MKLN1: variants seen among roughly 807,000 people sequenced by gnomAD.
The protein encoded by MKLN1 is muskelin.
MKLN1 carries 18 observed loss-of-function variants against 99.0 expected under a neutral mutation model. The observed-to-expected ratio is 0.18, with a 90% CI of 0.13 to 0.27. The LOEUF is 0.27. Ranked by LOEUF, MKLN1 falls within the 10% of genes least tolerant of loss-of-function variation. MKLN1 has a pLI of 1.00. For missense variants in MKLN1, 621 were observed against 875.9 expected, an observed-to-expected ratio of 0.71 and a Z score of 3.67; for synonymous variants, 288 against 293.2, an observed-to-expected ratio of 0.98 and a Z score of 0.18.
chr7:131,442,819 T>C (rs904678844), intron 10 of MKLN1, among the ~76,000 whole-genome samples: 1 of 152,204 alleles, frequency 6.6e-6, no homozygotes, highest in Non-Finnish European at 1.5e-5. Flanking sequence ...TGAAAAGTTA[T>C]AATCTTGAGT....
At chr7:131,398,314 A>G (rs1175459464) in intron 5 of MKLN1, among the ~76,000 whole-genome samples, 1 of 152,176 alleles carries the variant, frequency 6.6e-6, no homozygotes, top group Non-Finnish European at 1.5e-5. Context: ...AATTTTAATA[A>G]ATTAAGTGCC....
chr7:131,298,717 T>C (rs910039117), intron 3 of MKLN1, among the ~76,000 whole-genome samples: 12 of 152,208 alleles, frequency 7.9e-5, no homozygotes, highest in Non-Finnish European at 1.5e-4. Context: ...ACTCTACTCT[T>C]GTACCTAGAT....
intron 5 of MKLN1, among the ~76,000 whole-genome samples, chr7:131,398,520 C>A (rs1200743867): frequency 6.6e-6 from 1 of 151,850 alleles, no homozygotes; most frequent in Admixed American, 6.6e-5. Context: ...ATGGTGAAAC[C>A]CCGACTCTAC....
chr7:131,371,974 A>T (rs1425911697), intron 1 of MKLN1, among the ~76,000 whole-genome samples: 2 of 151,930 alleles, frequency 1.3e-5, no homozygotes, highest in African/African-American at 4.8e-5. Flanking sequence ...AATTTAGAAG[A>T]TATGTGGTAC....
intron 4 of MKLN1, among the ~76,000 whole-genome samples, chr7:131,390,269 GTTTTC>G (rs1292828515): frequency 6.6e-6 from 1 of 152,022 alleles, no homozygotes; most frequent in African/African-American, 2.4e-5. Flanking sequence ...CCTATATTCT[GTTTTC>G]TTATAAGAAT....
intron 1 of MKLN1, among the ~76,000 whole-genome samples, chr7:131,332,522 TTATCGAATATTTGTAAAA>T (rs1563297030): frequency 1.3e-5 from 2 of 150,460 alleles, no homozygotes; most frequent in Non-Finnish European, 3.0e-5. Flanking sequence ...TCTATGTTTA[TTATCGAATATTTGTAAAA>T]TATGGACCCA....
intron 1 of MKLN1, among the ~76,000 whole-genome samples, chr7:131,126,659 T>C (rs1795466368): frequency 6.6e-6 from 1 of 152,146 alleles, no homozygotes; most frequent in Non-Finnish European, 1.5e-5. Flanking sequence ...GTTCAAGCAA[T>C]TCTCCTGCCT....
intron 1 of MKLN1, among the ~76,000 whole-genome samples, chr7:131,133,798 CT>C (rs35694478): frequency 0.037 from 2,533 of 69,360 alleles, 102 homozygotes; most frequent in Middle Eastern, 0.071. Flanking sequence ...AGGTTGACTT[CT>C]TTTTTTTTTT....
At chr7:131,353,250 C>G (rs1799772077) in intron 1 of MKLN1, among the ~76,000 whole-genome samples, 1 of 152,116 alleles carries the variant, frequency 6.6e-6, no homozygotes, top group Admixed American at 6.5e-5. Flanking sequence ...TCCAGTTTCT[C>G]TGAATCCTTG....
At chr7:131,239,860 CT>C (rs1797375217) in intron 3 of MKLN1, among the ~76,000 whole-genome samples, 1 of 151,716 alleles carries the variant, frequency 6.6e-6, no homozygotes, top group Non-Finnish European at 1.5e-5. Flanking sequence ...TGAAGGTGTC[CT>C]ATTAATAATA....
intron 1 of MKLN1, among the ~76,000 whole-genome samples, chr7:131,354,586 A>G (rs1196950377): frequency 6.6e-6 from 1 of 151,400 alleles, no homozygotes; most frequent in Non-Finnish European, 1.5e-5. Context: ...GGATGGTTTC[A>G]TTTCTTCCCT....
intron 1 of MKLN1, among the ~76,000 whole-genome samples, chr7:131,113,794 G>A (rs558644000): frequency 5.9e-5 from 9 of 152,264 alleles, no homozygotes; most frequent in East Asian, 1.9e-4. Flanking sequence ...ACTGTGCTCC[G>A]GCCTGGGGAA....
At chr7:131,461,976 G>A (rs1047562198) in intron 12 of MKLN1, among the ~76,000 whole-genome samples, 1 of 151,856 alleles carries the variant, frequency 6.6e-6, no homozygotes, top group African/African-American at 2.4e-5. Context: ...TTAACTTTGG[G>A]GAGTTTAAGC....
chr7:131,426,921 AT>A (rs1584730881), intron 8 of MKLN1, among the ~76,000 whole-genome samples: 2 of 151,958 alleles, frequency 1.3e-5, no homozygotes, highest in East Asian at 3.9e-4. Flanking sequence ...TGCCAGGCTA[AT>A]TTTTGTATTT....
intron 1 of MKLN1, among the ~76,000 whole-genome samples, chr7:131,339,191 A>G (rs1799335121): frequency 6.6e-6 from 1 of 152,218 alleles, no homozygotes; most frequent in Non-Finnish European, 1.5e-5. Context: ...TTTCAACTGC[A>G]TGGGAGTTGG....
Position 131,312,326 on chromosome 7 carries a change from A to G in MKLN1, c.-178-63098A>G, listed in dbSNP as rs138982707. 4.2e-3 allele frequency among the ~76,000 whole-genome samples: 635 copies of G among 152,258 alleles called. 8 individuals carry two copies. Among genetic ancestry groups the G allele is most frequent in the African/African-American group, 0.014 (602 of 41,544 alleles). On this transcript the variant is annotated intron_variant, in intron 3 of 7. Transcript: ENST00000416992. Reference sequence around the variant, plus strand: ...GTGTGAGCCACCGCATCTAGCCCTCAGTTTTAACTGCATAAAATTTCTATA... The same window carrying G: ...GTGTGAGCCACCGCATCTAGCCCTCGGTTTTAACTGCATAAAATTTCTATA...
intron 3 of MKLN1, among the ~76,000 whole-genome samples, chr7:131,240,130 G>A (rs1797380152): frequency 1.3e-5 from 2 of 152,240 alleles, no homozygotes; most frequent in African/African-American, 4.8e-5. Context: ...GCAGTGAGCC[G>A]TGATCATGCC....
At chr7:131,366,210 C>T (rs1800176498) in intron 1 of MKLN1, among the ~76,000 whole-genome samples, 1 of 152,052 alleles carries the variant, frequency 6.6e-6, no homozygotes, top group Admixed American at 6.6e-5. Context: ...TCCAAAATCT[C>T]AAGATTTCTA....
At chr7:131,318,422 A>G (rs1035813975) in intron 3 of MKLN1, among the ~76,000 whole-genome samples, 13 of 152,220 alleles carry the variant, frequency 8.5e-5, no homozygotes, top group African/African-American at 3.1e-4. Context: ...CAAAAAGACA[A>G]TGTACCAGAA....
Sources: gnomAD v4.1 joint callset for allele counts (sites outside exome capture counted in the v4.1 genomes callset) on GRCh38, gnomAD v4.1.1 for gene constraint, MANE v1.5 for transcripts, NCBI Gene and HGNC (gene_info 2026-07-23, HGNC 2026-07-21) for gene names.